LRBA: variants seen among roughly 807,000 people sequenced by gnomAD.
LRBA encodes the protein lipopolysaccharide-responsive and beige-like anchor protein.
LRBA carries 176 observed loss-of-function variants against 330.0 expected under a neutral mutation model. The ratio of observed to expected loss-of-function variants is 0.53; its 90% CI spans 0.47 to 0.60. The LOEUF (loss-of-function observed/expected upper bound fraction) is 0.60. LRBA is among the 20% of genes least tolerant of loss of function. The pLI is 0.00. For missense variants in LRBA, 3,259 were observed against 3,444.8 expected (o/e 0.95, Z 1.35); for synonymous variants, 1,230 against 1,193.0 (o/e 1.03, Z -0.64).
intron 38 of LRBA, among the ~76,000 whole-genome samples, chr4:150,596,491 A>C (rs1773500244): frequency 6.6e-6 from 1 of 151,912 alleles, no homozygotes; most frequent in Admixed American, 6.6e-5. Flanking sequence ...TAGTTAAATA[A>C]ATTATAAATA....
intron 40 of LRBA, among the ~76,000 whole-genome samples, chr4:150,538,938 A>G (rs1221651436): frequency 2.0e-5 from 3 of 152,000 alleles, no homozygotes; most frequent in African/African-American, 7.2e-5. Context: ...CTGCACATGT[A>G]GCCTCTGAAT....
intron 38 of LRBA, among the ~76,000 whole-genome samples, chr4:150,591,328 G>A (rs889587318): frequency 2.6e-5 from 4 of 152,184 alleles, no homozygotes; most frequent in African/African-American, 9.7e-5. Context: ...AAGGGTTAAA[G>A]CTAAGAGACA....
chr4:150,506,148 G>T (rs1460138417), intron 40 of LRBA, among the ~76,000 whole-genome samples: 3 of 151,174 alleles, frequency 2.0e-5, no homozygotes, highest in Admixed American at 6.6e-5. Flanking sequence ...TACCAGAGGT[G>T]CAAGGAGGAG....
chr4:150,763,474 G>A (rs1044698739), intron 34 of LRBA, among the ~76,000 whole-genome samples: 4 of 151,674 alleles, frequency 2.6e-5, no homozygotes. Context: ...TTTTTCCAGC[G>A]AGGTAAAACA....
At chr4:150,910,468 T>A (rs1314742200) in intron 9 of LRBA, among the ~76,000 whole-genome samples, 1 of 152,210 alleles carries the variant, frequency 6.6e-6, no homozygotes, top group Non-Finnish European at 1.5e-5. Context: ...TTGTCAAAGA[T>A]CATTTGACCG....
At chr4:150,938,676 T>A (rs564878956) in intron 2 of LRBA, among the ~76,000 whole-genome samples, 2 of 152,256 alleles carry the variant, frequency 1.3e-5, no homozygotes, top group East Asian at 3.9e-4. Context: ...TGCAGAATAG[T>A]GGCAAGAGCT....
chr4:150,280,234 G>C (rs931865335), intron 55 of LRBA, among the ~76,000 whole-genome samples: 1 of 152,146 alleles, frequency 6.6e-6, no homozygotes. Flanking sequence ...GGCCGCCTCC[G>C]CATCCAGGTT....
chr4:150,575,523 C>T (rs1770426553), intron 40 of LRBA, among the ~76,000 whole-genome samples: 2 of 151,848 alleles, frequency 1.3e-5, no homozygotes, highest in Non-Finnish European at 2.9e-5. Context: ...ATGGCTAGTG[C>T]TCCTAAAGTA....
chr4:150,637,136 A>G (rs913622883), intron 37 of LRBA, among the ~76,000 whole-genome samples: 2 of 152,142 alleles, frequency 1.3e-5, no homozygotes, highest in African/African-American at 4.8e-5. Context: ...TAGGAAGCAT[A>G]TGGATCTCTG....
At chr4:150,481,648 TA>T (rs200150707) in intron 42 of LRBA, among the ~76,000 whole-genome samples, 2,705 of 152,210 alleles carry the variant, frequency 0.018, 88 homozygotes, top group African/African-American at 0.06. Context: ...TTCATATAAA[TA>T]AAACCATGGC....
chr4:150,948,235 T>C (rs1299748936), intron 2 of LRBA, among the ~76,000 whole-genome samples: 1 of 152,080 alleles, frequency 6.6e-6, no homozygotes, highest in African/African-American at 2.4e-5. Flanking sequence ...AAACTTATTA[T>C]GTAGCTACAG....
intron 46 of LRBA, among the ~76,000 whole-genome samples, chr4:150,419,208 C>G (rs756025347): frequency 2.0e-5 from 3 of 152,186 alleles, no homozygotes; most frequent in Non-Finnish European, 4.4e-5. Context: ...GAAGAACAAT[C>G]TGCCTACTGT....
chr4:150,614,335 AG>A (rs1775561342), intron 37 of LRBA, among the ~76,000 whole-genome samples: 1 of 152,246 alleles, frequency 6.6e-6, no homozygotes, highest in African/African-American at 2.4e-5. Flanking sequence ...GCAGATAAAT[AG>A]AAAATTAGAC....
chr4:150,382,035 G>A (rs928081737), intron 47 of LRBA, among the ~76,000 whole-genome samples: 7 of 152,090 alleles, frequency 4.6e-5, no homozygotes, highest in Non-Finnish European at 1.5e-5. Flanking sequence ...AGTTGTAAGA[G>A]TCCCTTATAT....
At position 150,265,717 on chromosome 4, in the gene LRBA, C is replaced by T. The variant is rs767983637; in HGVS notation, c.*5G>A. Reference sequence around the variant, plus strand: ...AGGGGCAGAGTTGATGTACAGCTGTCACCATCAGTAGCGGGTTTGGTATTC... The same window carrying T: ...AGGGGCAGAGTTGATGTACAGCTGTTACCATCAGTAGCGGGTTTGGTATTC... On this transcript the variant is annotated 3_prime_UTR_variant, in exon 57 of 57. Transcript: ENST00000651943. The T allele has an allele frequency of 7.3e-5, 116 of 1,593,684 alleles. No individual in the cohort carries two copies. Among genetic ancestry groups the T allele is most frequent in the Non-Finnish European group, 9.7e-5 (113 of 1,161,436 alleles).
intron 2 of LRBA, among the ~76,000 whole-genome samples, chr4:150,954,255 G>A (rs535445305): frequency 5.9e-4 from 90 of 152,104 alleles, no homozygotes; most frequent in Non-Finnish European, 1.1e-3. Flanking sequence ...CCGCCACCCC[G>A]TCTGGGAGGT....
At chr4:150,432,272 C>T (rs1750490402) in intron 46 of LRBA, among the ~76,000 whole-genome samples, 1 of 152,006 alleles carries the variant, frequency 6.6e-6, no homozygotes, top group Admixed American at 6.6e-5. Flanking sequence ...TACCACCCCA[C>T]CATCATATTT....
chr4:150,420,054 T>C (rs558272512), intron 46 of LRBA, among the ~76,000 whole-genome samples: 3 of 150,630 alleles, frequency 2.0e-5, no homozygotes, highest in South Asian at 2.1e-4. Context: ...CTGAGCAACA[T>C]GGCAAGACCC....
intron 2 of LRBA, among the ~76,000 whole-genome samples, chr4:150,999,040 A>G (rs546223838): frequency 3.8e-4 from 58 of 152,356 alleles, no homozygotes; most frequent in Non-Finnish European, 6.0e-4. Context: ...CACTTTACAA[A>G]TGCCTACAAA....
Sources: allele counts gnomAD v4.1 joint callset (sites outside exome capture counted in the v4.1 genomes callset), GRCh38; gene constraint gnomAD v4.1.1; transcripts MANE v1.5; gene names NCBI Gene and HGNC (gene_info 2026-07-23, HGNC 2026-07-21).